GABRA2: variants seen among roughly 807,000 people sequenced by gnomAD.
GABRA2 encodes the protein gamma-aminobutyric acid receptor subunit alpha-2.
Under a neutral mutation model 48.7 loss-of-function variants are expected in GABRA2, and 16 were observed. The observed-to-expected ratio is 0.33, with a 90% confidence interval of 0.22 to 0.50. The LOEUF (loss-of-function observed/expected upper bound fraction) is 0.50, where lower values mean the gene tolerates loss of function less well. GABRA2 is among the 20% of genes least tolerant of loss of function. The pLI is 0.98. For missense variants in GABRA2, 275 were observed against 535.6 expected (o/e 0.51, Z 4.80); for synonymous variants, 185 against 184.5 (o/e 1.00, Z -0.02).
In GABRA2 at chr4:46,258,384, T is replaced by C. The variant is rs773117476; in HGVS notation, c.1059+3542A>G. 4.3e-4 allele frequency among the ~76,000 whole-genome samples: 65 copies of C among 151,852 alleles called. 1 individual carries two copies. The highest frequency in any genetic ancestry group is 8.0e-4 in the Non-Finnish European group (54 of 67,878). On this transcript the variant is annotated intron_variant, in intron 9 of 9. Coordinates refer to ENST00000381620, the MANE Select transcript of GABRA2 (RefSeq NM_000807.4). ...CACTTATAATGGAGGCCTAATCATT[T>C]ACAAGGGCAGGGGAGGGCTCAGAAA...
chr4:46,250,928 A>C (rs1470615561), intron 9 of GABRA2, among the ~76,000 whole-genome samples: 1 of 151,568 alleles, frequency 6.6e-6, no homozygotes, highest in East Asian at 2.0e-4. Context: ...GTATTTGTCA[A>C]ATGAATGACT....
intron 9 of GABRA2, 52 bp from the exon 10 acceptor site, chr4:46,250,656 C>A: frequency 7.3e-7 from 1 of 1,372,142 alleles, no homozygotes; most frequent in Non-Finnish European, 1.0e-6. Flanking sequence ...TGCTACTTAA[C>A]ATTTTCTAAA....
At chr4:46,363,497 C>T (rs1329671124) in intron 3 of GABRA2, among the ~76,000 whole-genome samples, 1 of 151,946 alleles carries the variant, frequency 6.6e-6, no homozygotes, top group Non-Finnish European at 1.5e-5. Context: ...CAGCAACATA[C>T]TAATACTACT....
intron 4 of GABRA2, among the ~76,000 whole-genome samples, chr4:46,327,473 T>G (rs547170879): frequency 6.6e-6 from 1 of 152,116 alleles, no homozygotes; most frequent in East Asian, 1.9e-4. Flanking sequence ...AGCAACCAGC[T>G]TCTACATGCT....
chr4:46,357,005 T>G (rs181472508), intron 3 of GABRA2, among the ~76,000 whole-genome samples: 94 of 152,138 alleles, frequency 6.2e-4, no homozygotes, highest in Admixed American at 1.2e-3. Flanking sequence ...TTGTTTTGTT[T>G]TTGTTGTTGT....
At chr4:46,329,793 T>C (rs773226958) in intron 4 of GABRA2, among the ~76,000 whole-genome samples, 15 of 152,122 alleles carry the variant, frequency 9.9e-5, no homozygotes, top group Non-Finnish European at 2.1e-4. Context: ...GGTAGCTTTG[T>C]GATTAACTAG....
chr4:46,378,406 G>A (rs899219515), intron 3 of GABRA2, among the ~76,000 whole-genome samples: 13 of 152,012 alleles, frequency 8.6e-5, no homozygotes, highest in South Asian at 2.1e-4. Context: ...ACTCAGGGTT[G>A]AATGGATTAA....
At chr4:46,390,215 C>G (rs1486252920), upstream of GABRA2, 1 of 114,906 alleles carries the variant, frequency 8.7e-6, no homozygotes, top group Admixed American at 8.7e-5. Flanking sequence ...CCCCCCCCCA[C>G]ACACACACAC....
rs1209699205 is a variant in GABRA2 at position 46,344,719 on chromosome 4, G to C, written c.188-12037C>G. Among the ~76,000 whole-genome samples, 5 of 151,866 alleles carry C rather than the reference G, an allele frequency of 3.3e-5. No individual in the cohort carries two copies. The East Asian group carries it at 9.8e-4, about 30-fold the overall frequency. ...ACTACTACACAGAAGGAGGAGGGAA[G>C]AGAGAACATCCTTGATTATATCAGG... On this transcript the variant is annotated intron_variant, in intron 3 of 9. Transcript: ENST00000381620.
In GABRA2 at chr4:46,330,591, T is replaced by TAGAGAGAGAG. The variant is rs1553916278; in HGVS notation, c.255+2014_255+2023dup. On this transcript the variant is annotated intron_variant, in intron 4 of 9. Coordinates refer to ENST00000381620, the MANE Select transcript of GABRA2 (RefSeq NM_000807.4). Reference sequence around the variant, plus strand: ...ATATATATATATATATATATATATATAGAGAGAGAGAGAGAGAGATGTTTT... The same window carrying TAGAGAGAGAG: ...ATATATATATATATATATATATATATAGAGAGAGAGAGAGAGAGAGAGAGAGAGATGTTTT... 1.5e-3 allele frequency among the ~76,000 whole-genome samples: 190 copies of TAGAGAGAGAG among 122,638 alleles called. 1 individual carries two copies. The highest frequency in any genetic ancestry group is 4.6e-3 in the African/African-American group (165 of 35,646). 80.5% of individuals were successfully genotyped at this position (122,638 alleles called of 152,430 possible).
chr4:46,297,609 A>G (rs189902346), intron 8 of GABRA2, among the ~76,000 whole-genome samples: 280 of 149,212 alleles, frequency 1.9e-3, no homozygotes, highest in African/African-American at 6.4e-3. Context: ...TAATGTCCCT[A>G]CTTTCTGATT....
At chr4:46,388,239 G>T (rs1717744633) in intron 2 of GABRA2, among the ~76,000 whole-genome samples, 1 of 149,344 alleles carries the variant, frequency 6.7e-6, no homozygotes, top group African/African-American at 2.5e-5. Context: ...AAAGAAAAAG[G>T]AAAAAAAAAA....
At chr4:46,297,697 C>T (rs778465496) in intron 8 of GABRA2, among the ~76,000 whole-genome samples, 3 of 151,378 alleles carry the variant, frequency 2.0e-5, no homozygotes, top group African/African-American at 4.9e-5. Flanking sequence ...TTTCTAAGAA[C>T]CAACCTTTGG....
chr4:46,351,786 C>T (rs1016045227), intron 3 of GABRA2, among the ~76,000 whole-genome samples: 1 of 151,954 alleles, frequency 6.6e-6, no homozygotes, highest in Non-Finnish European at 1.5e-5. Flanking sequence ...TGTAAATATT[C>T]AAGTTCCTTT....
intron 8 of GABRA2, among the ~76,000 whole-genome samples, chr4:46,297,527 T>C (rs2109584306): frequency 1.1e-5 from 1 of 94,966 alleles, no homozygotes; most frequent in Non-Finnish European, 2.0e-5. Flanking sequence ...GGAGAACTGA[T>C]ATATACACTC....
chr4:46,383,094 T>A (rs1413704164), intron 3 of GABRA2, among the ~76,000 whole-genome samples: 1 of 151,978 alleles, frequency 6.6e-6, no homozygotes, highest in African/African-American at 2.4e-5. Flanking sequence ...AATTTAAACT[T>A]GAAACAGTAC....
chr4:46,281,877 A>G (rs939867133), intron 8 of GABRA2, among the ~76,000 whole-genome samples: 2 of 144,544 alleles, frequency 1.4e-5, no homozygotes, highest in Non-Finnish European at 3.1e-5. Flanking sequence ...ATGATCAAGT[A>G]AAAAATCAAA....
chr4:46,297,285 G>T (rs755147351), intron 8 of GABRA2, among the ~76,000 whole-genome samples: 1 of 151,670 alleles, frequency 6.6e-6, no homozygotes, highest in South Asian at 2.1e-4. Context: ...GCAAAAAAAC[G>T]TGGAAAGATT....
At chr4:46,255,979 C>G (rs959632432) in intron 9 of GABRA2, among the ~76,000 whole-genome samples, 15 of 151,406 alleles carry the variant, frequency 9.9e-5, no homozygotes, top group African/African-American at 2.4e-5. Context: ...AGAAATGGGG[C>G]TCTCATTCAA....
Sources: allele counts gnomAD v4.1 joint callset (sites outside exome capture counted in the v4.1 genomes callset), GRCh38; gene constraint gnomAD v4.1.1; transcripts MANE v1.5; gene names NCBI Gene and HGNC (gene_info 2026-07-23, HGNC 2026-07-21).